Variants in RERG observed in about 807,000 individuals in gnomAD.
The protein encoded by RERG is ras-related and estrogen-regulated growth inhibitor.
RERG carries 25 observed loss-of-function variants against 23.2 expected under a neutral mutation model. That is an observed-to-expected ratio of 1.08 (90% confidence interval 0.79 to 1.50). RERG has a LOEUF of 1.50. Ranked by LOEUF, RERG falls within the 40% of genes most tolerant of loss-of-function variation. The probability of loss-of-function intolerance (pLI) is 0.00; values close to 1 mark genes in which losing one functional copy is unlikely to be tolerated. For synonymous variants in RERG, 81 were observed against 89.1 expected, an observed-to-expected ratio of 0.91 and a Z score of 0.51; for missense variants, 253 against 250.1, an observed-to-expected ratio of 1.01 and a Z score of -0.08.
At chr12:15,142,213 C>T (rs913235416) in intron 2 of RERG, among the ~76,000 whole-genome samples, 1 of 152,036 alleles carries the variant, frequency 6.6e-6, no homozygotes, top group Non-Finnish European at 1.5e-5. Context: ...CTTAATAATC[C>T]AAGAGTCATT....
At chr12:15,162,047 C>T (rs188623988) in intron 2 of RERG, among the ~76,000 whole-genome samples, 266 of 152,206 alleles carry the variant, frequency 1.7e-3, no homozygotes, top group African/African-American at 5.9e-3. Context: ...GTGGTAGGAA[C>T]GGAAATTTTC....
chr12:15,118,903 T>C (rs1863780703), intron 3 of RERG, among the ~76,000 whole-genome samples: 1 of 152,216 alleles, frequency 6.6e-6, no homozygotes, highest in African/African-American at 2.4e-5. Flanking sequence ...CTTTATAGCA[T>C]TGTGAGAATG....
chr12:15,192,016 T>A (rs1565533385), intron 2 of RERG, among the ~76,000 whole-genome samples: 2 of 152,150 alleles, frequency 1.3e-5, no homozygotes, highest in South Asian at 4.1e-4. Flanking sequence ...CTAATATAGT[T>A]TGGATCTGTG....
intron 2 of RERG, among the ~76,000 whole-genome samples, chr12:15,177,903 A>G (rs1864874235): frequency 6.9e-6 from 1 of 144,998 alleles, no homozygotes; most frequent in Non-Finnish European, 1.5e-5. Context: ...TATAACAAGG[A>G]TATTATACTT....
At chr12:15,174,073 G>C (rs1407956589) in intron 2 of RERG, among the ~76,000 whole-genome samples, 2 of 151,922 alleles carry the variant, frequency 1.3e-5, no homozygotes, top group East Asian at 3.8e-4. Flanking sequence ...CTGTATGAAG[G>C]ATTCCTTTTA....
chr12:15,145,135 G>T (rs1864309286), intron 2 of RERG, among the ~76,000 whole-genome samples: 1 of 152,134 alleles, frequency 6.6e-6, no homozygotes, highest in Non-Finnish European at 1.5e-5. Context: ...TTAACAATTG[G>T]AGTCTAACAA....
intron 2 of RERG, among the ~76,000 whole-genome samples, chr12:15,178,449 T>C (rs543460868): frequency 6.6e-6 from 1 of 152,300 alleles, no homozygotes; most frequent in Non-Finnish European, 1.5e-5. Flanking sequence ...TAGGGAGAAG[T>C]CCAAGACAAT....
At chr12:15,129,604 G>C (rs945167018) in intron 2 of RERG, among the ~76,000 whole-genome samples, 3 of 152,186 alleles carry the variant, frequency 2.0e-5, no homozygotes, top group Non-Finnish European at 4.4e-5. Context: ...CATAAGCTGA[G>C]TCTTAGAAGA....
chr12:15,171,051 T>C (rs886105486), intron 2 of RERG, among the ~76,000 whole-genome samples: 3 of 152,218 alleles, frequency 2.0e-5, no homozygotes, highest in Non-Finnish European at 4.4e-5. Flanking sequence ...TGTAGTAACA[T>C]GAATGAAAAT....
chr12:15,141,142 A>G (rs1591644520), intron 2 of RERG, among the ~76,000 whole-genome samples: 1 of 141,146 alleles, frequency 7.1e-6, no homozygotes, highest in South Asian at 2.2e-4. Flanking sequence ...GGAGGTTCCT[A>G]TTGATGTGTC....
At chr12:15,197,304 T>C (rs1334838483) in intron 2 of RERG, among the ~76,000 whole-genome samples, 1 of 152,154 alleles carries the variant, frequency 6.6e-6, no homozygotes, top group Non-Finnish European at 1.5e-5. Flanking sequence ...AATGAGAATC[T>C]CATAAATCAT....
chr12:15,211,726 C>A (rs568551144), intron 2 of RERG, among the ~76,000 whole-genome samples: 2 of 152,278 alleles, frequency 1.3e-5, no homozygotes, highest in South Asian at 2.1e-4. Flanking sequence ...GATGGACATG[C>A]TAATTCACCT....
intron 2 of RERG, among the ~76,000 whole-genome samples, chr12:15,164,482 C>T (rs534320245): frequency 1.3e-5 from 2 of 152,160 alleles, no homozygotes; most frequent in Non-Finnish European, 2.9e-5. Context: ...AATATTGATC[C>T]GAAAAGGATT....
intron 2 of RERG, among the ~76,000 whole-genome samples, chr12:15,138,344 G>T (rs1229337641): frequency 6.6e-6 from 1 of 151,954 alleles, no homozygotes; most frequent in East Asian, 1.9e-4. Context: ...TTGTACCACA[G>T]TTCTTGGATA....
At chr12:15,202,284 CTGTG>C (rs893247008) in intron 2 of RERG, among the ~76,000 whole-genome samples, 1 of 151,650 alleles carries the variant, frequency 6.6e-6, no homozygotes, top group African/African-American at 2.4e-5. Context: ...TTTTATATGT[CTGTG>C]TGTATGTTAA....
At chr12:15,179,525 T>C (rs1864895884) in intron 2 of RERG, among the ~76,000 whole-genome samples, 1 of 152,196 alleles carries the variant, frequency 6.6e-6, no homozygotes, top group South Asian at 2.1e-4. Flanking sequence ...TTTTGTGAAT[T>C]TCCACCAAAA....
At chr12:15,170,351 A>C (rs1050951569) in intron 2 of RERG, among the ~76,000 whole-genome samples, 1 of 151,984 alleles carries the variant, frequency 6.6e-6, no homozygotes, top group African/African-American at 2.4e-5. Context: ...TGTAGGGGGA[A>C]GGGAGTGGGA....
intron 2 of RERG, among the ~76,000 whole-genome samples, chr12:15,182,982 A>C (rs1190051530): frequency 6.6e-6 from 1 of 152,056 alleles, no homozygotes; most frequent in Non-Finnish European, 1.5e-5. Context: ...TGAAAGGCTA[A>C]AAGTGAGAGG....
chr12:15,190,053 T>C (rs1865048053), intron 2 of RERG, among the ~76,000 whole-genome samples: 1 of 152,152 alleles, frequency 6.6e-6, no homozygotes, highest in Non-Finnish European at 1.5e-5. Context: ...AAGTCCAGTT[T>C]AAAAATAAGA....
Sources: gnomAD v4.1 joint callset for allele counts (sites outside exome capture counted in the v4.1 genomes callset) on GRCh38, gnomAD v4.1.1 for gene constraint, MANE v1.5 for transcripts, NCBI Gene and HGNC (gene_info 2026-07-23, HGNC 2026-07-21) for gene names.